Variants in IMMP2L observed in about 807,000 individuals in gnomAD.
IMMP2L encodes the protein mitochondrial inner membrane protease subunit 2.
Under a neutral mutation model 19.3 loss-of-function variants are expected in IMMP2L, and 18 were observed. The ratio of observed to expected loss-of-function variants is 0.93; its 90% CI spans 0.64 to 1.38. The LOEUF (loss-of-function observed/expected upper bound fraction) is 1.38. IMMP2L is among the 40% of genes most tolerant of loss of function. The probability of loss-of-function intolerance (pLI) is 0.00; values close to 1 mark genes in which losing one functional copy is unlikely to be tolerated. For synonymous variants in IMMP2L, 76 were observed against 73.0 expected (o/e 1.04, Z -0.21); for missense variants, 233 against 218.2 (o/e 1.07, Z -0.43).
At chr7:110,792,739 AGG>A (rs1271377367) in intron 5 of IMMP2L, among the ~76,000 whole-genome samples, 1 of 152,106 alleles carries the variant, frequency 6.6e-6, no homozygotes, top group Non-Finnish European at 1.5e-5. Context: ...TGTACATTCT[AGG>A]GGTACATTCT....
At chr7:111,412,832 T>C (rs542070008) in intron 3 of IMMP2L, among the ~76,000 whole-genome samples, 1 of 151,706 alleles carries the variant, frequency 6.6e-6, no homozygotes, top group Non-Finnish European at 1.5e-5. Flanking sequence ...AAGAAATTTT[T>C]TTTTTAAATA....
chr7:110,876,426 T>C (rs1007736346), intron 5 of IMMP2L, among the ~76,000 whole-genome samples: 11 of 152,236 alleles, frequency 7.2e-5, no homozygotes, highest in African/African-American at 1.2e-4. Flanking sequence ...CAAGACTGGA[T>C]TGCCACTCCC....
chr7:110,757,906 A>G lies in IMMP2L; in HGVS notation c.409-94185T>C, dbSNP rs1798129022. On this transcript the variant is annotated intron_variant, in intron 5 of 5. Transcript: ENST00000405709. This position sits in a 1 kb window ranked among gnomAD's most constrained non-coding sequence, Gnocchi z 4.2. ...GAAGAGAATTTCAGGCACTGGAAAT[A>G]GCCGAGGGGAAGGTGGTAGAAGGAA... is the stretch of plus-strand genomic sequence containing the variant. Among the ~76,000 whole-genome samples, 1 of 152,128 alleles carries G rather than the reference A, an allele frequency of 6.6e-6. No homozygotes were observed. Among genetic ancestry groups the G allele is most frequent in the African/African-American group, 2.4e-5 (1 of 41,452 alleles).
chr7:111,003,149 T>G (rs1338910971), intron 3 of IMMP2L, among the ~76,000 whole-genome samples: 1 of 152,198 alleles, frequency 6.6e-6, no homozygotes, highest in Non-Finnish European at 1.5e-5. Context: ...ATTGTTCACT[T>G]AATCAAAATA....
intron 3 of IMMP2L, among the ~76,000 whole-genome samples, chr7:111,318,720 C>A (rs566772746): frequency 2.0e-5 from 3 of 151,890 alleles, no homozygotes; most frequent in African/African-American, 7.2e-5. Context: ...AATAACTATA[C>A]CATAATGAAG....
chr7:111,131,868 A>G (rs1438866527), intron 3 of IMMP2L, among the ~76,000 whole-genome samples: 2 of 151,898 alleles, frequency 1.3e-5, no homozygotes, highest in African/African-American at 4.8e-5. Context: ...AAATAATAAC[A>G]TAGAGCAAAA....
intron 4 of IMMP2L, among the ~76,000 whole-genome samples, chr7:110,918,402 G>A (rs771725098): frequency 4.0e-5 from 6 of 150,668 alleles, no homozygotes; most frequent in African/African-American, 7.3e-5. Context: ...TATTTAAGAT[G>A]TGTGAGCTAT....
At chr7:110,995,241 G>T (rs990115289) in intron 3 of IMMP2L, among the ~76,000 whole-genome samples, 1 of 152,044 alleles carries the variant, frequency 6.6e-6, no homozygotes, top group Admixed American at 6.6e-5. Flanking sequence ...AGAATTGGAA[G>T]AACATAAGAA....
At chr7:110,848,915 T>C (rs977406430) in intron 5 of IMMP2L, among the ~76,000 whole-genome samples, 5 of 151,862 alleles carry the variant, frequency 3.3e-5, no homozygotes, top group Non-Finnish European at 5.9e-5. Context: ...CAGAAATTAG[T>C]TGGGAGGAAA....
At chr7:111,558,605 A>AC (rs1327137195) in intron 1 of IMMP2L, among the ~76,000 whole-genome samples, 1 of 152,046 alleles carries the variant, frequency 6.6e-6, no homozygotes, top group Non-Finnish European at 1.5e-5. Flanking sequence ...CTTTTTCTAT[A>AC]CCCCTCACTA....
chr7:111,266,456 T>C lies in IMMP2L; in HGVS notation c.239+220782A>G, dbSNP rs367812393. ...TACTGGGGTGGCTGAGACAGGAGAA[T>C]CGCTTGAACCCAGGAGACAGAGGTT... On this transcript the variant is annotated intron_variant, in intron 3 of 5. Coordinates refer to ENST00000405709, the MANE Select transcript of IMMP2L (RefSeq NM_032549.4). Among the ~76,000 whole-genome samples the C allele has an allele frequency of 1.8e-4, 27 of 149,554 alleles. No individual in the cohort carries two copies. In the East Asian group the frequency reaches 4.6e-3, roughly 25 times the overall value.
At chr7:110,847,560 C>G (rs1356711167) in intron 5 of IMMP2L, among the ~76,000 whole-genome samples, 1 of 152,070 alleles carries the variant, frequency 6.6e-6, no homozygotes, top group Non-Finnish European at 1.5e-5. Flanking sequence ...TAGATATTAA[C>G]AAACTGATTC....
chr7:111,084,618 G>A (rs1353470484), intron 3 of IMMP2L, among the ~76,000 whole-genome samples: 1 of 152,138 alleles, frequency 6.6e-6, no homozygotes, highest in Non-Finnish European at 1.5e-5. Flanking sequence ...ACAAGCCTAG[G>A]ATAAATACTT....
At chr7:110,964,874 G>A (rs1819366894) in intron 3 of IMMP2L, among the ~76,000 whole-genome samples, 1 of 151,956 alleles carries the variant, frequency 6.6e-6, no homozygotes. Context: ...TCGTGGTGAA[G>A]AAGGAAGGTC....
intron 3 of IMMP2L, among the ~76,000 whole-genome samples, chr7:111,430,855 C>G (rs1475302752): frequency 4.0e-5 from 6 of 151,726 alleles, no homozygotes; most frequent in Non-Finnish European, 1.5e-5. Flanking sequence ...ATCTGTAATC[C>G]CATAACTTTG....
intron 1 of IMMP2L, among the ~76,000 whole-genome samples, chr7:111,524,854 A>G (rs915969392): frequency 9.2e-5 from 14 of 152,116 alleles, no homozygotes; most frequent in African/African-American, 3.4e-4. Flanking sequence ...AATGACTTCC[A>G]GTGGATTTTC....
intron 3 of IMMP2L, among the ~76,000 whole-genome samples, chr7:111,293,101 G>GA (rs1479050071): frequency 6.6e-6 from 1 of 151,846 alleles, no homozygotes; most frequent in African/African-American, 2.4e-5. Context: ...GAAGTGCAGG[G>GA]AAACTCAAAA....
chr7:111,524,196 T>C lies in IMMP2L; in HGVS notation c.-2-2747A>G, dbSNP rs998898596. On this transcript the variant is annotated intron_variant, in intron 1 of 5. Transcript: ENST00000405709. The stretch of plus-strand genomic sequence containing the variant: ...TTTAGCAACACAAACATCAGTCTTA[T>C]AATAAATTTAAAAACGGAATGACCT... 2.6e-5 allele frequency among the ~76,000 whole-genome samples: 4 copies of C among 152,072 alleles called. No individual in the cohort carries two copies. The South Asian group carries it at 6.2e-4, about 24-fold the overall frequency.
chr7:110,941,680 A>G (rs372861918), intron 4 of IMMP2L, among the ~76,000 whole-genome samples: 1 of 152,174 alleles, frequency 6.6e-6, no homozygotes, highest in Non-Finnish European at 1.5e-5. Context: ...AAATACCTTT[A>G]TGCTTTTCAA....
Sources: allele counts gnomAD v4.1 joint callset (sites outside exome capture counted in the v4.1 genomes callset), GRCh38; gene constraint gnomAD v4.1.1; non-coding constraint Gnocchi (gnomAD v3.1); transcripts MANE v1.5; gene names NCBI Gene and HGNC (gene_info 2026-07-23, HGNC 2026-07-21).